The following CLU variants were observed in gnomAD, a reference collection of about 807,000 sequenced individuals.
CLU encodes clusterin.
A neutral mutation model predicts 46.4 loss-of-function variants in CLU; 25 were observed. The observed-to-expected ratio is 0.54, with a 90% confidence interval of 0.39 to 0.75. The LOEUF is 0.75. Among genes scored for constraint, CLU ranks in the 30% least tolerant of loss-of-function variants. CLU has a pLI of 0.00. For missense variants in CLU, 504 were observed against 592.1 expected (o/e 0.85, Z 1.54); for synonymous variants, 235 against 235.1 (o/e 1.00, Z 0.00).
chr8:27,597,421 A>C lies in CLU; in HGVS notation c.*820T>G. The stretch of plus-strand genomic sequence containing the variant: ...CAGGGAAAGGTATGAAGATCATATA[A>C]ACCGGCGGTGGACAGGAAATGCCAC... On this transcript the variant is annotated 3_prime_UTR_variant, in exon 9 of 9. Coordinates refer to ENST00000316403, the MANE Select transcript of CLU (RefSeq NM_001831.4). 2.2e-6 allele frequency: 1 copy of C among 454,524 alleles called. No individual in the cohort carries two copies. The highest frequency in any genetic ancestry group is 1.6e-5 in the South Asian group (1 of 64,472). The allele number at this position is 454,524 out of a possible 1,614,324, so 28.2% of individuals were successfully genotyped here. A position where few individuals can be genotyped will look rare whatever the true frequency, so the allele number is the denominator to read the frequency against.
intron 6 of CLU, among the ~76,000 whole-genome samples, chr8:27,603,786 T>C (rs1432111706): frequency 2.0e-5 from 3 of 152,170 alleles, no homozygotes; most frequent in Non-Finnish European, 4.4e-5. Context: ...GGATAAGTTA[T>C]TAACCTTTCT....
intron 6 of CLU, 159 bp downstream of exon 6, chr8:27,604,132 G>A (rs770064654): frequency 1.5e-6 from 1 of 662,290 alleles, no homozygotes; most frequent in Non-Finnish European, 2.8e-6. Flanking sequence ...GAAGCTGCAT[G>A]AGGCTCAGGA....
At chr8:27,606,615 G>A (rs1800827433) in intron 3 of CLU, 91 bp from the exon 4 acceptor site, 4 of 1,525,974 alleles carry the variant, frequency 2.6e-6, no homozygotes, top group Non-Finnish European at 3.6e-6. Flanking sequence ...TCTGCCCCAG[G>A]GCAGGCCTTC....
intron 5 of CLU, among the ~76,000 whole-genome samples, chr8:27,604,630 A>G (rs9331917): frequency 1.3e-5 from 2 of 151,878 alleles, no homozygotes; most frequent in Admixed American, 1.3e-4. Context: ...GCACCACCAC[A>G]CCCGGCTAAT....
At position 27,610,551 on chromosome 8, in the gene CLU, C is replaced by A. The variant is rs958319361; in HGVS notation, c.21G>T (p.Leu7=). MMKTLL[L]FVGLLLTWES... ...CCCAGGTCAGCAGCAGCCCCACAAA[C>A]AGCAGCAGAGTCTTCATCATGCCTC... is the stretch of plus-strand genomic sequence containing the variant. The change falls in exon 2 of 9, where the codon CTG becomes CTT. Residue 7 remains leucine, a synonymous_variant. Coordinates refer to ENST00000316403, the MANE Select transcript of CLU (RefSeq NM_001831.4). 5 of 1,614,270 alleles carry A rather than the reference C, an allele frequency of 3.1e-6. No individual in the cohort carries two copies. The highest frequency in any genetic ancestry group is 4.2e-6 in the Non-Finnish European group (5 of 1,180,046).
chr8:27,606,557 C>G (rs1432712655), intron 3 of CLU, 33 bp from the exon 4 acceptor site: 3 of 1,613,088 alleles, frequency 1.9e-6, no homozygotes, highest in Non-Finnish European at 2.5e-6. Context: ...CTGAGCCACA[C>G]AGAGACCACA....
rs1321480484 is a variant in CLU, at chr8:27,605,144, G to C, written c.609C>G (p.Thr203=). Residue 203 remains threonine (T), a synonymous_variant, in exon 5 of 9, where the codon ACC becomes ACG. Coordinates refer to ENST00000316403, the MANE Select transcript of CLU (RefSeq NM_001831.4). ...GCAGGCTGAAGGGCAGGTAGTGGTAGGTATCCTGGGGCTCCCGGGTGAAGA... is the reference window on the plus strand; with the variant it reads ...GCAGGCTGAAGGGCAGGTAGTGGTACGTATCCTGGGGCTCCCGGGTGAAGA... ...DRFFTREPQD[T]YHYLPFSLPH... The C allele has an allele frequency of 6.2e-7, 1 of 1,614,062 alleles. No homozygotes were observed. The highest frequency in any genetic ancestry group is 8.5e-7 in the Non-Finnish European group (1 of 1,180,034).
Position 27,599,449 on chromosome 8 carries a change from T to C in CLU, c.1164+331A>G. On this transcript the variant is annotated intron_variant, in intron 7 of 8. Coordinates refer to ENST00000316403, the MANE Select transcript of CLU (RefSeq NM_001831.4). The surrounding 1 kb of genome is among the most constrained non-coding windows in gnomAD (Gnocchi z 4.0). The stretch of plus-strand genomic sequence containing the variant: ...GTAGCTTTGAGAAAAGAACAGAGGC[T>C]TCTGGTTTATTCACAGATTTGTGCA... 1 of 351,304 alleles carries C rather than the reference T, an allele frequency of 2.8e-6. No homozygotes were observed. The highest frequency in any genetic ancestry group is 5.4e-6 in the Non-Finnish European group (1 of 184,824). The allele number at this position is 351,304 out of a possible 1,614,324, so 21.8% of individuals were successfully genotyped here.
intron 3 of CLU, 25 bp from the exon 4 acceptor site, chr8:27,606,549 G>GAGCCACACAC: frequency 1.2e-6 from 2 of 1,613,708 alleles, no homozygotes; most frequent in Non-Finnish European, 1.7e-6. Context: ...AAGGCTGGCT[G>GAGCCACACAC]AGCCACACAG....
chr8:27,603,402 G>A (rs1800757070), intron 6 of CLU, among the ~76,000 whole-genome samples: 1 of 152,172 alleles, frequency 6.6e-6, no homozygotes, highest in Non-Finnish European at 1.5e-5. Flanking sequence ...CTGGCGGCCT[G>A]CCATGGCAAA....
At chr8:27,604,516 A>G in intron 5 of CLU, 121 bp from the exon 6 acceptor site, 1 of 872,470 alleles carries the variant, frequency 1.1e-6, no homozygotes, top group Non-Finnish European at 1.8e-6. Context: ...TCTGTTGCCC[A>G]GGCTGGAATG....
intron 1 of CLU, chr8:27,611,747 AAAGAGCCAGGG>A (rs1800934885): frequency 2.2e-6 from 1 of 457,700 alleles, no homozygotes; most frequent in Non-Finnish European, 4.4e-6. Context: ...AATCAGGCGC[AAAGAGCCAGGG>A]AGCAGCGTGG....
chr8:27,603,628 G>T (rs943165301), intron 6 of CLU, among the ~76,000 whole-genome samples: 2 of 152,162 alleles, frequency 1.3e-5, no homozygotes, highest in East Asian at 3.9e-4. Flanking sequence ...TTTGCCTAGG[G>T]GACCAACCAA....
intron 6 of CLU, among the ~76,000 whole-genome samples, chr8:27,603,390 C>A (rs1160171369): frequency 6.6e-6 from 1 of 152,220 alleles, no homozygotes; most frequent in Non-Finnish European, 1.5e-5. Flanking sequence ...TTTAACTAGA[C>A]CCTGGCGGCC....
rs1047345385 is a variant in CLU at position 27,598,083 on chromosome 8, C to T, written c.*158G>A. 4.1e-6 allele frequency: 3 copies of T among 726,738 alleles called. No homozygotes were observed. The Admixed American group carries it at 6.0e-5, about 15-fold the overall frequency. The allele number at this position is 726,738 out of a possible 1,614,324, so 45.0% of individuals were successfully genotyped here. A position where few individuals can be genotyped will look rare whatever the true frequency, so the allele number is the denominator to read the frequency against. On this transcript the variant is annotated 3_prime_UTR_variant, in exon 9 of 9. Transcript: ENST00000316403. ...AGCAGCAGAGTCGAGTGTTAGAGTG[C>T]AGGATCCAGAGCGGGGAGAGGCTGG...
At chr8:27,612,415 G>A (rs1451339639) in intron 1 of CLU, among the ~76,000 whole-genome samples, 1 of 152,198 alleles carries the variant, frequency 6.6e-6, no homozygotes, top group Non-Finnish European at 1.5e-5. Flanking sequence ...TGTAATCATA[G>A]TAAATTCTGA....
chr8:27,601,458 C>T (rs1800720238), intron 6 of CLU, among the ~76,000 whole-genome samples: 1 of 152,224 alleles, frequency 6.6e-6, no homozygotes, highest in African/African-American at 2.4e-5. Flanking sequence ...TGCCCACCTG[C>T]CCGCCCATGG....
rs1554532413 is a variant in CLU, at chr8:27,607,339, A to AAAAAAC, written c.247-816_247-815insGTTTTT. On this transcript the variant is annotated intron_variant, in intron 3 of 8. Transcript: ENST00000316403. ...GTGACAGAGCAAGACTCTGTCTCAA[A>AAAAAAC]AAAACAAAACAAAACAAAACAAAAC... Among the ~76,000 whole-genome samples, 3 of 148,702 alleles carry AAAAAAC rather than the reference A, an allele frequency of 2.0e-5. No homozygotes were observed. The South Asian group carries it at 6.5e-4, about 32-fold the overall frequency.
rs1563387212 is a variant in CLU, at chr8:27,606,538, CA to C, written c.247-15del. 6.2e-7 allele frequency: 1 copy of C among 1,614,046 alleles called. No individual in the cohort carries two copies. Among genetic ancestry groups the C allele is most frequent in the Non-Finnish European group, 8.5e-7 (1 of 1,180,024 alleles). Reference sequence around the variant, plus strand: ...ATTTAGGGCATCCTACAGGAAGACACAAGGCTGGCTGAGCCACACAGAGACC... The same window carrying C: ...ATTTAGGGCATCCTACAGGAAGACACAGGCTGGCTGAGCCACACAGAGACC... On this transcript the variant is annotated splice_polypyrimidine_tract_variant and intron_variant, in intron 3 of 8. Coordinates refer to ENST00000316403, the MANE Select transcript of CLU (RefSeq NM_001831.4).
Sources: gnomAD v4.1 joint callset for allele counts (sites outside exome capture counted in the v4.1 genomes callset) on GRCh38, gnomAD v4.1.1 for gene constraint, Gnocchi (gnomAD v3.1) non-coding constraint, MANE v1.5 for transcripts, NCBI Gene and HGNC (gene_info 2026-07-23, HGNC 2026-07-21) for gene names.